Variants in RABGEF1 observed in about 807,000 individuals in gnomAD.
The protein encoded by RABGEF1 is RAB guanine nucleotide exchange factor 1, also known as rab5 GDP/GTP exchange factor.
Under a neutral mutation model 57.3 loss-of-function variants are expected in RABGEF1, and 26 were observed. That is an observed-to-expected ratio of 0.45 (90% CI 0.33 to 0.63). RABGEF1 has a LOEUF of 0.63. Among genes scored for constraint, RABGEF1 ranks in the 20% least tolerant of loss-of-function variants. RABGEF1 has a pLI of 0.02. For synonymous variants in RABGEF1, 185 were observed against 210.7 expected (o/e 0.88, Z 1.06); for missense variants, 464 against 607.6 (o/e 0.76, Z 2.48).
intron 2 of RABGEF1, among the ~76,000 whole-genome samples, chr7:66,774,844 G>A (rs12539848): frequency 0.037 from 5,564 of 152,246 alleles, 156 homozygotes; most frequent in East Asian, 0.085. Context: ...GACTCCCCCA[G>A]CAGATTGAGT....
At chr7:66,687,043 G>A (rs1473482743) in intron 1 of RABGEF1, among the ~76,000 whole-genome samples, 2 of 148,932 alleles carry the variant, frequency 1.3e-5, no homozygotes, top group Non-Finnish European at 3.0e-5. Flanking sequence ...GGATGGTCTC[G>A]ATCTCCTGAC....
At chr7:66,800,829 G>A (rs1262761414) in intron 7 of RABGEF1, among the ~76,000 whole-genome samples, 3 of 152,218 alleles carry the variant, frequency 2.0e-5, no homozygotes, top group East Asian at 1.9e-4. Context: ...TTCACTGGGC[G>A]ACAGCTGGTA....
intron 1 of RABGEF1, among the ~76,000 whole-genome samples, chr7:66,708,846 T>G (rs555889887): frequency 2.0e-4 from 31 of 152,140 alleles, no homozygotes; most frequent in African/African-American, 6.7e-4. Context: ...AAATAGGTTT[T>G]GTTTTGTTTT....
intron 2 of RABGEF1, among the ~76,000 whole-genome samples, chr7:66,724,484 C>T (rs1488015719): frequency 6.6e-6 from 1 of 152,078 alleles, no homozygotes; most frequent in Non-Finnish European, 1.5e-5. Context: ...CTCAGCCTCC[C>T]GAGTAGCTGA....
At chr7:66,672,560 G>A in the RABGEF1 span, among the ~76,000 whole-genome samples, 1 of 152,216 alleles carries the variant, frequency 6.6e-6, no homozygotes, top group Non-Finnish European at 1.5e-5. Context: ...AATTATAGCT[G>A]CTGCACAGGC....
At chr7:66,747,880 C>A (rs933645735) in intron 1 of RABGEF1, among the ~76,000 whole-genome samples, 2 of 151,992 alleles carry the variant, frequency 1.3e-5, no homozygotes, top group African/African-American at 2.4e-5. Flanking sequence ...TAATGACTTA[C>A]AAAGATACGT....
At chr7:66,760,204 T>G (rs531296214) in intron 1 of RABGEF1, among the ~76,000 whole-genome samples, 2 of 152,326 alleles carry the variant, frequency 1.3e-5, no homozygotes, top group African/African-American at 4.8e-5. Flanking sequence ...TTCGACACTC[T>G]TAACCTGGAA....
chr7:66,744,132 T>A (rs1799644056), intron 1 of RABGEF1, among the ~76,000 whole-genome samples: 1 of 151,626 alleles, frequency 6.6e-6, no homozygotes, highest in African/African-American at 2.4e-5. Context: ...GCCTCCTGGA[T>A]TCAAGCGATT....
At chr7:66,732,392 TGAG>T (rs1240030648) in intron 2 of RABGEF1, among the ~76,000 whole-genome samples, 3 of 150,122 alleles carry the variant, frequency 2.0e-5, no homozygotes, top group Admixed American at 6.6e-5. Flanking sequence ...CACCAAGAGG[TGAG>T]GAGAAGCAGA....
chr7:66,672,295 G>A, the RABGEF1 span, among the ~76,000 whole-genome samples: 1,319 of 151,908 alleles, frequency 8.7e-3, 16 homozygotes, highest in African/African-American at 0.026. Flanking sequence ...AGCCGGGCGC[G>A]GTGGCGGGCA....
chr7:66,731,226 C>G (rs1797275377), intron 2 of RABGEF1, among the ~76,000 whole-genome samples: 1 of 152,100 alleles, frequency 6.6e-6, no homozygotes, highest in Admixed American at 6.6e-5. Context: ...GCAGAATGTC[C>G]TTGAGGAGTT....
At chr7:66,657,342 A>C in the RABGEF1 span, among the ~76,000 whole-genome samples, 1 of 152,240 alleles carries the variant, frequency 6.6e-6, no homozygotes, top group Non-Finnish European at 1.5e-5. Flanking sequence ...GTAACAAGGA[A>C]AACTTGAAAA....
chr7:66,724,638 G>A (rs1228856099), intron 2 of RABGEF1, among the ~76,000 whole-genome samples: 4 of 152,166 alleles, frequency 2.6e-5, no homozygotes, highest in Non-Finnish European at 2.9e-5. Context: ...GATTATAGGC[G>A]TGAGCCACTG....
intron 5 of RABGEF1, 78 bp from the exon 6 acceptor site, chr7:66,797,294 ACT>A (rs1562873314): frequency 7.4e-7 from 1 of 1,352,994 alleles, no homozygotes; most frequent in Non-Finnish European, 9.8e-7. Flanking sequence ...ACAGAGCCAG[ACT>A]CTTTGTTTGC....
chr7:66,794,821 G>C (rs1432908865), intron 4 of RABGEF1, among the ~76,000 whole-genome samples: 2 of 152,334 alleles, frequency 1.3e-5, no homozygotes, highest in East Asian at 3.9e-4. Flanking sequence ...CAACTCAAAT[G>C]CACAGTGGTA....
At chr7:66,681,409 T>G (rs1300398230), upstream of RABGEF1, among the ~76,000 whole-genome samples, 14 of 151,404 alleles carry the variant, frequency 9.2e-5, no homozygotes, top group African/African-American at 1.5e-4. Flanking sequence ...TTTTTTTTTT[T>G]TCTTTTTGAG....
At chr7:66,785,964 G>C (rs1269965514) in intron 4 of RABGEF1, among the ~76,000 whole-genome samples, 2 of 152,056 alleles carry the variant, frequency 1.3e-5, no homozygotes, top group East Asian at 3.9e-4. Context: ...AAACTTTCTA[G>C]ATGGTATCCT....
intron 2 of RABGEF1, among the ~76,000 whole-genome samples, chr7:66,716,309 A>G (rs1174546526): frequency 6.6e-6 from 1 of 152,144 alleles, no homozygotes; most frequent in African/African-American, 2.4e-5. Flanking sequence ...ATATTAAAAT[A>G]TATAGTCAGG....
chr7:66,753,295 G>C (rs1383275021), intron 1 of RABGEF1, among the ~76,000 whole-genome samples: 1 of 152,152 alleles, frequency 6.6e-6, no homozygotes, highest in East Asian at 1.9e-4. Context: ...GCTAACTGGG[G>C]TGTATGATTG....
Sources: gnomAD v4.1 joint callset for allele counts (sites outside exome capture counted in the v4.1 genomes callset) on GRCh38, gnomAD v4.1.1 for gene constraint, MANE v1.5 for transcripts, NCBI Gene and HGNC (gene_info 2026-07-23, HGNC 2026-07-21) for gene names.